The following BBX variants were observed in gnomAD, a reference collection of about 807,000 sequenced individuals.
BBX encodes the protein HMG box transcription factor BBX.
A neutral mutation model predicts 100.2 loss-of-function variants in BBX; 30 were observed. The ratio of observed to expected loss-of-function variants is 0.30; its 90% CI spans 0.22 to 0.41. BBX has a LOEUF of 0.41. Ranked by LOEUF, BBX falls within the 10% of genes least tolerant of loss-of-function variation. The pLI is 1.00. For missense variants in BBX, 1,023 were observed against 1,129.8 expected (o/e 0.91, Z 1.35); for synonymous variants, 376 against 388.1 (o/e 0.97, Z 0.37).
At chr3:107,643,245 C>T (rs1486262077) in intron 2 of BBX, among the ~76,000 whole-genome samples, 1 of 152,082 alleles carries the variant, frequency 6.6e-6, no homozygotes, top group Non-Finnish European at 1.5e-5. Context: ...GTTGCTTCAG[C>T]GTGTGTCAGT....
At chr3:107,586,523 A>G (rs1204124424) in intron 2 of BBX, among the ~76,000 whole-genome samples, 2 of 152,194 alleles carry the variant, frequency 1.3e-5, no homozygotes. Flanking sequence ...GCCTAATTTG[A>G]TTATAACTGA....
chr3:107,579,681 C>T (rs2052118769), intron 2 of BBX, among the ~76,000 whole-genome samples: 1 of 152,288 alleles, frequency 6.6e-6, no homozygotes, highest in African/African-American at 2.4e-5. Context: ...GTTGAGGGAG[C>T]CTCTTTTATT....
intron 3 of BBX, among the ~76,000 whole-genome samples, chr3:107,682,624 T>C (rs2059626684): frequency 6.6e-6 from 1 of 152,086 alleles, no homozygotes; most frequent in Non-Finnish European, 1.5e-5. Flanking sequence ...AAACAAACAA[T>C]AGAAATTTAA....
At position 107,679,704 on chromosome 3, in the gene BBX, G is replaced by A. The variant is rs567878290; in HGVS notation, c.-9-30748G>A. Among the ~76,000 whole-genome samples, 11 of 152,258 alleles carry A rather than the reference G, an allele frequency of 7.2e-5. No individual in the cohort carries two copies. In the East Asian group the frequency reaches 1.9e-3, roughly 27 times the overall value. On this transcript the variant is annotated intron_variant, in intron 3 of 17. Coordinates refer to ENST00000325805, the MANE Select transcript of BBX (RefSeq NM_001142568.3). ...AATAAAACATGAACAAACAGAACCA[G>A]AAAGGGATTAGTACAGTCCAGGCTT...
chr3:107,712,615 A>G (rs2061796768), intron 4 of BBX, among the ~76,000 whole-genome samples: 1 of 152,178 alleles, frequency 6.6e-6, no homozygotes, highest in Non-Finnish European at 1.5e-5. Context: ...TCCTTCCTGT[A>G]CCACCTTGAT....
At chr3:107,746,330 T>A (rs771102859) in intron 8 of BBX, among the ~76,000 whole-genome samples, 7 of 152,222 alleles carry the variant, frequency 4.6e-5, no homozygotes, top group Non-Finnish European at 7.3e-5. Flanking sequence ...ATTTTTGCAT[T>A]CTGTCATACT....
intron 3 of BBX, chr3:107,661,885 A>T (rs2058464099): frequency 1.0e-6 from 1 of 985,330 alleles, no homozygotes; most frequent in Non-Finnish European, 1.2e-6. Flanking sequence ...CCAGCATGTT[A>T]TAGATGTGGA....
intron 7 of BBX, among the ~76,000 whole-genome samples, chr3:107,739,910 G>T (rs947469878): frequency 5.9e-5 from 9 of 152,220 alleles, no homozygotes; most frequent in African/African-American, 2.2e-4. Context: ...TTTACAACTG[G>T]CCTGGAGTCT....
chr3:107,711,355 C>T, intron 4 of BBX: 1 of 470,920 alleles, frequency 2.1e-6, no homozygotes, highest in Non-Finnish European at 4.4e-6. Flanking sequence ...AGAATGGTGC[C>T]TGGCACATAG....
chr3:107,525,939 C>T (rs2047740385), intron 1 of BBX, among the ~76,000 whole-genome samples: 1 of 152,192 alleles, frequency 6.6e-6, no homozygotes, highest in African/African-American at 2.4e-5. Flanking sequence ...CCTATCGATC[C>T]CTATGATTTG....
At chr3:107,627,763 A>G (rs527649823) in intron 2 of BBX, among the ~76,000 whole-genome samples, 6 of 152,204 alleles carry the variant, frequency 3.9e-5, no homozygotes, top group African/African-American at 1.4e-4. Context: ...TAAAAATAAT[A>G]TGTAACAAGA....
At chr3:107,780,955 T>A (rs1325383482) in intron 13 of BBX, among the ~76,000 whole-genome samples, 2 of 152,004 alleles carry the variant, frequency 1.3e-5, no homozygotes, top group East Asian at 1.9e-4. Flanking sequence ...AGAAACCTAA[T>A]TTTTCCTCTG....
intron 2 of BBX, among the ~76,000 whole-genome samples, chr3:107,605,560 T>G (rs897533511): frequency 2.6e-5 from 4 of 152,180 alleles, no homozygotes; most frequent in African/African-American, 7.2e-5. Context: ...GGCATCCAAA[T>G]TTTTACTTTC....
intron 17 of BBX, among the ~76,000 whole-genome samples, chr3:107,802,315 T>C (rs1384847549): frequency 2.0e-5 from 3 of 152,230 alleles, no homozygotes; most frequent in Non-Finnish European, 4.4e-5. Context: ...ACCTGTCATA[T>C]TACAGTTTGA....
intron 4 of BBX, chr3:107,711,380 A>G (rs953415671): frequency 2.2e-6 from 1 of 464,252 alleles, no homozygotes; most frequent in Non-Finnish European, 4.4e-6. Context: ...TATTAAATAT[A>G]GATGTATGCT....
rs2071119916 is a variant in BBX at position 107,807,549 on chromosome 3, T to C, written c.*2092T>C. ...CAAAACAAAAAACCAACAACAAAAA[T>C]TGTATGGTGCGGAACATGCACCTTG... On this transcript the variant is annotated 3_prime_UTR_variant, in exon 18 of 18. Transcript: ENST00000325805. The C allele has an allele frequency of 6.6e-6, 1 of 152,186 alleles. No individual in the cohort carries two copies. Among genetic ancestry groups the C allele is most frequent in the Non-Finnish European group, 1.5e-5 (1 of 68,036 alleles). 9.4% of individuals were successfully genotyped at this position (152,186 alleles called of 1,614,324 possible). A position where few individuals can be genotyped will look rare whatever the true frequency, so the allele number is the denominator to read the frequency against.
In BBX at chr3:107,772,758, A is replaced by G. The variant is rs755360165; in HGVS notation, c.1037A>G (p.Asp346Gly). 12 of 1,613,152 alleles carry G rather than the reference A, an allele frequency of 7.4e-6. No homozygotes were observed. The highest frequency in any genetic ancestry group is 9.3e-6 in the Non-Finnish European group (11 of 1,179,788). Residue 346 changes from aspartate (D) to glycine (G), a missense_variant, in exon 11 of 18, where the codon GAT becomes GGT. By Grantham distance (94) the Asp-to-Gly change is moderately conservative. Coordinates refer to ENST00000325805, the MANE Select transcript of BBX (RefSeq NM_001142568.3). ...AAAGAAATTAAAATGGAGAAAACAG[A>G]TGAAACTAGGTTACAGAAGGAAGCA... Reference protein sequence around the residue: ...EEKEIKMEKTDETRLQKEAEF... With the variant: ...EEKEIKMEKTGETRLQKEAEF...
At chr3:107,610,286 T>G (rs1227974577) in intron 2 of BBX, among the ~76,000 whole-genome samples, 2 of 152,062 alleles carry the variant, frequency 1.3e-5, no homozygotes, top group East Asian at 1.9e-4. Context: ...ATATGGTTTA[T>G]TTTTTAGAAT....
intron 3 of BBX, among the ~76,000 whole-genome samples, chr3:107,706,737 G>A (rs2061419334): frequency 6.6e-6 from 1 of 152,124 alleles, no homozygotes; most frequent in Non-Finnish European, 1.5e-5. Flanking sequence ...AAATGTGTGG[G>A]CTTTTTAGTG....
Sources: gnomAD v4.1 joint callset for allele counts (sites outside exome capture counted in the v4.1 genomes callset) on GRCh38, gnomAD v4.1.1 for gene constraint, MANE v1.5 for transcripts, NCBI Gene and HGNC (gene_info 2026-07-23, HGNC 2026-07-21) for gene names.